Variants in AKAP7 observed in about 807,000 individuals in gnomAD.
AKAP7 encodes the protein A kinase (PRKA) anchor protein 7.
A neutral mutation model predicts 39.5 loss-of-function variants in AKAP7; 39 were observed. That is an observed-to-expected ratio of 0.99 (90% confidence interval 0.76 to 1.29). AKAP7 has a LOEUF of 1.29. Ranked by LOEUF, AKAP7 falls within the 50% of genes most tolerant of loss-of-function variation. AKAP7 has a pLI of 0.00. For synonymous variants in AKAP7, 140 were observed against 139.1 expected, an observed-to-expected ratio of 1.01 and a Z score of -0.05; for missense variants, 414 against 407.7, an observed-to-expected ratio of 1.02 and a Z score of -0.13.
chr6:131,239,989 T>A (rs1280872004), intron 7 of AKAP7, among the ~76,000 whole-genome samples: 1 of 152,212 alleles, frequency 6.6e-6, no homozygotes, highest in Non-Finnish European at 1.5e-5. Flanking sequence ...CGCTCTGATT[T>A]TTAGAGTTTC....
At position 131,247,277 on chromosome 6, in the gene AKAP7, A is replaced by G. The variant is rs1223145095; in HGVS notation, c.850+27469A>G. On this transcript the variant is annotated intron_variant, in intron 7 of 7. Transcript: ENST00000431975. ...AATGACACATTTCATATGTATATAT[A>G]TATATATATATATATATATATATAT... Among the ~76,000 whole-genome samples the G allele has an allele frequency of 6.0e-3, 121 of 20,208 alleles. 1 individual carries two copies. Among genetic ancestry groups the G allele is most frequent in the African/African-American group, 0.027 (93 of 3,492 alleles). The allele number at this position is 20,208 out of a possible 152,430, so 13.3% of individuals were successfully genotyped here.
At chr6:131,222,602 T>C (rs1809806008) in intron 7 of AKAP7, among the ~76,000 whole-genome samples, 1 of 152,192 alleles carries the variant, frequency 6.6e-6, no homozygotes, top group Non-Finnish European at 1.5e-5. Context: ...ATTGAATTGC[T>C]GTAATCTCAT....
intron 7 of AKAP7, among the ~76,000 whole-genome samples, chr6:131,270,192 C>T (rs757554231): frequency 2.0e-5 from 3 of 152,172 alleles, no homozygotes; most frequent in Non-Finnish European, 4.4e-5. Flanking sequence ...TGAACAGTTC[C>T]ATCACTCTCC....
chr6:131,169,041 C>G (rs1435853093), intron 4 of AKAP7, 72 bp from the exon 5 acceptor site: 45 of 1,312,450 alleles, frequency 3.4e-5, no homozygotes, highest in Non-Finnish European at 4.6e-5. Flanking sequence ...AAAACTGGTA[C>G]TTTGTATCTT....
At chr6:131,177,929 A>C (rs1804736849) in intron 5 of AKAP7, among the ~76,000 whole-genome samples, 1 of 152,076 alleles carries the variant, frequency 6.6e-6, no homozygotes, top group African/African-American at 2.4e-5. Flanking sequence ...TGCTCATTTC[A>C]CCCAATCCCA....
chr6:131,131,467 CTTTTTTTTTT>C (rs3031855), upstream of AKAP7, among the ~76,000 whole-genome samples: 14 of 138,356 alleles, frequency 1.0e-4, no homozygotes, highest in South Asian at 9.1e-4. Flanking sequence ...CTCTTTCTTT[CTTTTTTTTTT>C]TTTTTTTGAA....
chr6:131,247,434 T>C (rs1812124743), intron 7 of AKAP7, among the ~76,000 whole-genome samples: 1 of 150,240 alleles, frequency 6.7e-6, no homozygotes, highest in Non-Finnish European at 1.5e-5. Context: ...CAAGTGATTC[T>C]TCTGCCTCAG....
At chr6:131,228,113 A>T (rs1562228964) in intron 7 of AKAP7, among the ~76,000 whole-genome samples, 7 of 152,148 alleles carry the variant, frequency 4.6e-5, no homozygotes. Context: ...CCACATCTGG[A>T]TGTTGCCCAG....
chr6:131,260,447 C>T (rs1813220519), intron 7 of AKAP7, among the ~76,000 whole-genome samples: 1 of 152,094 alleles, frequency 6.6e-6, no homozygotes, highest in South Asian at 2.1e-4. Context: ...CCTGTTTCTC[C>T]AGCCTCGCCA....
At chr6:131,179,823 T>C (rs536253107) in intron 5 of AKAP7, among the ~76,000 whole-genome samples, 12 of 152,070 alleles carry the variant, frequency 7.9e-5, no homozygotes, top group Non-Finnish European at 1.6e-4. Flanking sequence ...GAGCTGTGAA[T>C]ATGCCACCAT....
At chr6:131,134,455 A>G (rs1189180826), upstream of AKAP7, among the ~76,000 whole-genome samples, 1 of 152,144 alleles carries the variant, frequency 6.6e-6, no homozygotes, top group Non-Finnish European at 1.5e-5. Flanking sequence ...CATCCTCTTC[A>G]CTATGAATGT....
chr6:131,252,166 G>C (rs1348626566), intron 7 of AKAP7, among the ~76,000 whole-genome samples: 1 of 152,242 alleles, frequency 6.6e-6, no homozygotes, highest in Non-Finnish European at 1.5e-5. Flanking sequence ...TTGAAGAACA[G>C]TCTTCTGTTT....
In AKAP7 at chr6:131,282,424, CTT is replaced by C. The variant is rs1815276383; in HGVS notation, c.*699_*700del. ...GCAAGAAACCTATTGGAATTCGAGA[CTT>C]AATTAATGAAGCTTTGCATCGAGAA... On this transcript the variant is annotated 3_prime_UTR_variant, in exon 8 of 8. Coordinates refer to ENST00000431975, the MANE Select transcript of AKAP7 (RefSeq NM_016377.4). The C allele has an allele frequency of 6.6e-7, 1 of 1,510,660 alleles. No individual in the cohort carries two copies. The highest frequency in any genetic ancestry group is 8.8e-7 in the Non-Finnish European group (1 of 1,132,992). 93.6% of individuals were successfully genotyped at this position (1,510,660 alleles called of 1,614,324 possible).
At chr6:131,185,042 G>C (rs1417856763) in intron 5 of AKAP7, 2 of 728,410 alleles carry the variant, frequency 2.7e-6, no homozygotes, top group East Asian at 5.4e-5. Context: ...GTGCTTGACT[G>C]TTTGTCACAG....
rs141471407 is a variant in AKAP7, at chr6:131,168,272, A to G, written c.429-841A>G. 8.7e-3 allele frequency among the ~76,000 whole-genome samples: 1,324 copies of G among 152,090 alleles called. 14 individuals are homozygous for G. Among genetic ancestry groups the G allele is most frequent in the African/African-American group, 0.03 (1,250 of 41,498 alleles). On this transcript the variant is annotated intron_variant, in intron 4 of 7. Transcript: ENST00000431975. ...AATAATTAAAAAAAAATAGCCAGGC[A>G]TGGTGGCATACACCTGTGTATTCCA...
chr6:131,151,707 T>C (rs1801937426), intron 2 of AKAP7, among the ~76,000 whole-genome samples: 1 of 152,132 alleles, frequency 6.6e-6, no homozygotes, highest in Non-Finnish European at 1.5e-5. Flanking sequence ...GATTGTGCCA[T>C]TGTACTCTAG....
At chr6:131,153,028 G>T (rs539655319) in intron 2 of AKAP7, among the ~76,000 whole-genome samples, 22 of 151,616 alleles carry the variant, frequency 1.5e-4, no homozygotes, top group Non-Finnish European at 2.9e-4. Context: ...TACTCGGGAG[G>T]CTGAGGCAGG....
chr6:131,247,636 A>G (rs368127673), intron 7 of AKAP7, among the ~76,000 whole-genome samples: 30 of 151,354 alleles, frequency 2.0e-4, no homozygotes, highest in African/African-American at 6.8e-4. Flanking sequence ...TATTTCTTTT[A>G]TAGAGACAGG....
At chr6:131,185,916 CTA>C (rs1805800997) in intron 5 of AKAP7, among the ~76,000 whole-genome samples, 1 of 152,174 alleles carries the variant, frequency 6.6e-6, no homozygotes, top group African/African-American at 2.4e-5. Flanking sequence ...ACCTTTCCCT[CTA>C]TGTTTTTTCT....
Sources: gnomAD v4.1 joint callset for allele counts (sites outside exome capture counted in the v4.1 genomes callset) on GRCh38, gnomAD v4.1.1 for gene constraint, MANE v1.5 for transcripts, NCBI Gene and HGNC (gene_info 2026-07-23, HGNC 2026-07-21) for gene names.